Variants in GLIS3 observed in about 807,000 individuals in gnomAD.
The protein encoded by GLIS3 is zinc finger protein GLIS3.
A neutral mutation model predicts 78.6 loss-of-function variants in GLIS3; 53 were observed. The ratio of observed to expected loss-of-function variants is 0.67; its 90% CI spans 0.54 to 0.85. The LOEUF is 0.85. Ranked by LOEUF, GLIS3 falls within the 40% of genes least tolerant of loss-of-function variation. The pLI, the probability that GLIS3 is intolerant of heterozygous loss-of-function variation, is 0.00. For missense variants in GLIS3, 1,703 were observed against 1,231.1 expected (o/e 1.38, Z -5.74); for synonymous variants, 684 against 509.9 (o/e 1.34, Z -4.60).
At chr9:3,967,793 T>C (rs1818067769) in intron 4 of GLIS3, among the ~76,000 whole-genome samples, 1 of 152,170 alleles carries the variant, frequency 6.6e-6, no homozygotes, top group Non-Finnish European at 1.5e-5. Context: ...AAATCATATA[T>C]GTGTATATAT....
At chr9:4,214,680 G>C (rs1163140378) in intron 2 of GLIS3, among the ~76,000 whole-genome samples, 1 of 152,108 alleles carries the variant, frequency 6.6e-6, no homozygotes, top group African/African-American at 2.4e-5. Context: ...AAGTCTCTAA[G>C]GACGCTGTAT....
the GLIS3 span, among the ~76,000 whole-genome samples, chr9:4,415,361 C>T: frequency 6.6e-6 from 1 of 152,192 alleles, no homozygotes; most frequent in Non-Finnish European, 1.5e-5. Context: ...TCCAAATGCT[C>T]ATTACCACGC....
At chr9:3,933,245 G>A (rs554829004) in intron 5 of GLIS3, among the ~76,000 whole-genome samples, 2 of 152,030 alleles carry the variant, frequency 1.3e-5, no homozygotes, top group South Asian at 2.1e-4. Flanking sequence ...GCGCAATCTC[G>A]GCTCACTGCA....
the GLIS3 span, among the ~76,000 whole-genome samples, chr9:4,360,069 C>T: frequency 3.6e-4 from 55 of 151,262 alleles, 1 homozygote; most frequent in Admixed American, 3.6e-3. Context: ...ATAAGGTATT[C>T]CCCATCTCCT....
At chr9:4,335,693 A>T (rs1217021134) in intron 2 of GLIS3, among the ~76,000 whole-genome samples, 1 of 152,146 alleles carries the variant, frequency 6.6e-6, no homozygotes, top group Non-Finnish European at 1.5e-5. Context: ...TTTAAACCTG[A>T]AACATCAGGA....
chr9:3,866,702 G>A (rs1820612095), intron 8 of GLIS3, among the ~76,000 whole-genome samples: 3 of 152,160 alleles, frequency 2.0e-5, no homozygotes, highest in African/African-American at 7.2e-5. Flanking sequence ...GGGAATTGAC[G>A]ATAGGTGAAT....
intron 9 of GLIS3, among the ~76,000 whole-genome samples, chr9:3,835,171 A>G (rs1039790263): frequency 1.2e-4 from 19 of 152,162 alleles, no homozygotes; most frequent in Non-Finnish European, 2.1e-4. Flanking sequence ...GTTTTCCTTT[A>G]CAGTGAGGCT....
chr9:4,432,339 G>A, the GLIS3 span, among the ~76,000 whole-genome samples: 24 of 152,242 alleles, frequency 1.6e-4, no homozygotes, highest in East Asian at 4.4e-3. Context: ...TTAAAGCTAG[G>A]GTAGGATCTT....
chr9:4,261,165 C>T (rs914056012), intron 2 of GLIS3, among the ~76,000 whole-genome samples: 18 of 152,160 alleles, frequency 1.2e-4, no homozygotes, highest in Non-Finnish European at 1.9e-4. Context: ...AGGTAAAATT[C>T]ATTCATAGGA....
At chr9:4,486,955 C>T in the GLIS3 span, among the ~76,000 whole-genome samples, 9 of 152,160 alleles carry the variant, frequency 5.9e-5, no homozygotes, top group Non-Finnish European at 1.3e-4. Flanking sequence ...GCCTCAGCCT[C>T]CCAAAGTGCT....
intron 2 of GLIS3, among the ~76,000 whole-genome samples, chr9:4,168,622 C>T (rs1816094655): frequency 6.6e-6 from 1 of 152,168 alleles, no homozygotes; most frequent in African/African-American, 2.4e-5. Flanking sequence ...GTAATAAAAA[C>T]ATTTTGAGAA....
rs1378484086 is a variant in GLIS3 at position 4,097,971 on chromosome 9, A to T, written c.1710+19797T>A. 2.0e-5 allele frequency among the ~76,000 whole-genome samples: 3 copies of T among 152,194 alleles called. No individual in the cohort carries two copies. The East Asian group carries it at 5.8e-4, about 29-fold the overall frequency. On this transcript the variant is annotated intron_variant, in intron 4 of 10. Transcript: ENST00000381971. ...CCATCGGTCTATTTTGGTATTTGTC[A>T]TATTACTCTTACAGTTTTACGTATA...
At position 3,829,440 on chromosome 9, in the gene GLIS3, C is replaced by G; in HGVS notation, c.2526G>C (p.Gln842His). 2 of 1,614,166 alleles carry G rather than the reference C, an allele frequency of 1.2e-6. No homozygotes were observed. The highest frequency in any genetic ancestry group is 1.7e-6 in the Non-Finnish European group (2 of 1,180,016). Reference sequence around the variant, plus strand: ...AGGAGCTGACAGGCGGCACAATTCTCTGGGAATCGGGGTAGTGTGGGGGAC... The same window carrying G: ...AGGAGCTGACAGGCGGCACAATTCTGTGGGAATCGGGGTAGTGTGGGGGAC... Reference protein sequence around the residue: ...KFCPPHYPDSQRIVPPVSSCS... With the variant: ...KFCPPHYPDSHRIVPPVSSCS... The change falls in exon 10 of 11, where the codon CAG becomes CAC. Residue 842 changes from glutamine (Q) to histidine (H), a missense_variant. Transcript: ENST00000381971.
chr9:4,409,535 C>T, the GLIS3 span, among the ~76,000 whole-genome samples: 1 of 152,010 alleles, frequency 6.6e-6, no homozygotes, highest in African/African-American at 2.4e-5. Flanking sequence ...CAGATGAACA[C>T]GCTTACTAGT....
At chr9:4,191,509 T>C (rs1048913781) in intron 2 of GLIS3, among the ~76,000 whole-genome samples, 14 of 152,228 alleles carry the variant, frequency 9.2e-5, no homozygotes, top group Non-Finnish European at 1.5e-5. Flanking sequence ...GTTTTTACAA[T>C]GAGCATATCC....
the GLIS3 span, among the ~76,000 whole-genome samples, chr9:4,434,224 A>C: frequency 6.6e-6 from 1 of 152,110 alleles, no homozygotes. Flanking sequence ...TATTTATTCC[A>C]CATATGTTTT....
At chr9:4,408,157 C>G in the GLIS3 span, among the ~76,000 whole-genome samples, 1 of 152,140 alleles carries the variant, frequency 6.6e-6, no homozygotes, top group Non-Finnish European at 1.5e-5. Context: ...CCCTCGTACG[C>G]TGTCAGTGGG....
chr9:4,176,709 C>T (rs994433647), intron 2 of GLIS3, among the ~76,000 whole-genome samples: 11 of 152,158 alleles, frequency 7.2e-5, no homozygotes, highest in African/African-American at 1.4e-4. Flanking sequence ...CTACAACCTC[C>T]GCCTCCCGGG....
At chr9:4,072,984 A>C (rs897286391) in intron 4 of GLIS3, among the ~76,000 whole-genome samples, 8 of 151,700 alleles carry the variant, frequency 5.3e-5, no homozygotes, top group African/African-American at 1.9e-4. Context: ...GTTTGTATTT[A>C]TAATTCTTTT....
Sources: allele counts gnomAD v4.1 joint callset (sites outside exome capture counted in the v4.1 genomes callset), GRCh38; gene constraint gnomAD v4.1.1; transcripts MANE v1.5; gene names NCBI Gene and HGNC (gene_info 2026-07-23, HGNC 2026-07-21).